GPBP1: variants seen among roughly 807,000 people sequenced by gnomAD.
The protein encoded by GPBP1 is GC-rich promoter binding protein 1.
A neutral mutation model predicts 56.5 loss-of-function variants in GPBP1; 13 were observed. The ratio of observed to expected loss-of-function variants is 0.23; its 90% CI spans 0.15 to 0.37. GPBP1 has a LOEUF of 0.37. Among genes scored for constraint, GPBP1 ranks in the 10% least tolerant of loss-of-function variants. The pLI is 1.00. For synonymous variants in GPBP1, 204 were observed against 188.9 expected (o/e 1.08, Z -0.66); for missense variants, 477 against 572.3 (o/e 0.83, Z 1.70).
intron 2 of GPBP1, among the ~76,000 whole-genome samples, chr5:57,198,867 T>C (rs886601017): frequency 6.6e-6 from 1 of 152,184 alleles, no homozygotes; most frequent in Non-Finnish European, 1.5e-5. Context: ...TGTCATTTGC[T>C]TCACATTTTG....
At position 57,201,793 on chromosome 5, in the gene GPBP1, G is replaced by C. The variant is rs1755034867; in HGVS notation, c.-57-12281G>C. ...ACTTTCTGAAAAATGTCTTTGGAGG[G>C]GTCAGGAGAATGGGTTTGTTAACAT... is the stretch of plus-strand genomic sequence containing the variant. On this transcript the variant is annotated intron_variant, in intron 2 of 11. Coordinates refer to ENST00000506184, the MANE Select transcript of GPBP1 (RefSeq NM_022913.4). 2.6e-5 allele frequency among the ~76,000 whole-genome samples: 4 copies of C among 152,084 alleles called. 1 individual carries two copies. The highest frequency in any genetic ancestry group is 9.7e-5 in the African/African-American group (4 of 41,404).
At chr5:57,219,850 C>A (rs1214602913) in intron 3 of GPBP1, among the ~76,000 whole-genome samples, 1 of 151,868 alleles carries the variant, frequency 6.6e-6, no homozygotes, top group Non-Finnish European at 1.5e-5. Context: ...GTTGGGAGTT[C>A]GAGACCAGCT....
chr5:57,187,264 T>G (rs371954148), intron 2 of GPBP1, among the ~76,000 whole-genome samples: 3 of 152,318 alleles, frequency 2.0e-5, no homozygotes, highest in East Asian at 3.9e-4. Context: ...TTAAGTGGCT[T>G]GAAATGTTAG....
At chr5:57,182,158 A>G (rs1208125469) in intron 2 of GPBP1, among the ~76,000 whole-genome samples, 2 of 152,024 alleles carry the variant, frequency 1.3e-5, no homozygotes, top group African/African-American at 4.8e-5. Flanking sequence ...ATCTTGGCTC[A>G]CTGCAACCTC....
At chr5:57,206,718 A>C (rs575064939) in intron 2 of GPBP1, among the ~76,000 whole-genome samples, 1 of 152,150 alleles carries the variant, frequency 6.6e-6, no homozygotes, top group Non-Finnish European at 1.5e-5. Flanking sequence ...TCCAATGGCT[A>C]TTTAGTTGTC....
At chr5:57,175,293 C>G (rs775752794) in intron 1 of GPBP1, among the ~76,000 whole-genome samples, 155 bp from the exon 2 acceptor site, 1 of 152,086 alleles carries the variant, frequency 6.6e-6, no homozygotes, top group Non-Finnish European at 1.5e-5. Flanking sequence ...AGACTTTTAT[C>G]GGGTGCTTGC....
At chr5:57,214,252 T>G in intron 3 of GPBP1, 59 bp downstream of exon 3, 11 of 1,335,300 alleles carry the variant, frequency 8.2e-6, no homozygotes, top group Non-Finnish European at 1.2e-5. Context: ...TTTACACAAA[T>G]GTAATTAAGT....
At chr5:57,242,222 G>A (rs932557369) in intron 6 of GPBP1, among the ~76,000 whole-genome samples, 3 of 152,084 alleles carry the variant, frequency 2.0e-5, no homozygotes, top group African/African-American at 7.2e-5. Flanking sequence ...TAAGCAACCT[G>A]AAATTCTTGC....
At chr5:57,210,880 G>A (rs1297955275) in intron 2 of GPBP1, among the ~76,000 whole-genome samples, 1 of 152,132 alleles carries the variant, frequency 6.6e-6, no homozygotes, top group Non-Finnish European at 1.5e-5. Flanking sequence ...ACAGTCTGAT[G>A]GGAATAGAAC....
chr5:57,244,859 G>A (rs368601857), intron 6 of GPBP1, among the ~76,000 whole-genome samples: 6 of 148,350 alleles, frequency 4.0e-5, no homozygotes, highest in Non-Finnish European at 8.9e-5. Context: ...TCAGCCTCCC[G>A]AGTAGCTGGG....
chr5:57,225,972 T>C (rs1580040922), intron 3 of GPBP1, among the ~76,000 whole-genome samples: 1 of 152,196 alleles, frequency 6.6e-6, no homozygotes, highest in Non-Finnish European at 1.5e-5. Flanking sequence ...GTTAACGACA[T>C]GTGTAGCAAC....
intron 2 of GPBP1, among the ~76,000 whole-genome samples, chr5:57,207,615 A>C (rs936605640): frequency 6.6e-6 from 1 of 152,220 alleles, no homozygotes; most frequent in African/African-American, 2.4e-5. Context: ...TCGCAAGGAC[A>C]GAGGGCTTTT....
chr5:57,239,343 T>C (rs1024962213), intron 6 of GPBP1, among the ~76,000 whole-genome samples: 20 of 152,342 alleles, frequency 1.3e-4, no homozygotes, highest in African/African-American at 4.3e-4. Flanking sequence ...GCATGTTCTT[T>C]ATATGAATAA....
chr5:57,176,842 C>G (rs1428414392), intron 2 of GPBP1, among the ~76,000 whole-genome samples: 1 of 152,100 alleles, frequency 6.6e-6, no homozygotes, highest in Non-Finnish European at 1.5e-5. Flanking sequence ...ATTCCAAATG[C>G]AGTTTAGTGT....
At chr5:57,246,568 G>A in intron 7 of GPBP1, 84 bp downstream of exon 7, 1 of 1,163,886 alleles carries the variant, frequency 8.6e-7, no homozygotes, top group South Asian at 1.5e-5. Context: ...AGAATTTAAA[G>A]TGTGTATGGA....
At chr5:57,240,137 G>C (rs1740754641) in intron 6 of GPBP1, among the ~76,000 whole-genome samples, 1 of 152,054 alleles carries the variant, frequency 6.6e-6, no homozygotes, top group African/African-American at 2.4e-5. Flanking sequence ...TGTAGTCTTA[G>C]CTACTTGCGA....
At chr5:57,197,809 T>TA (rs1561331574) in intron 2 of GPBP1, among the ~76,000 whole-genome samples, 1 of 152,136 alleles carries the variant, frequency 6.6e-6, no homozygotes. Context: ...TTTTTATTCA[T>TA]AGTTTTTTTT....
chr5:57,211,576 T>TTGTTGTTGTTGTTGTTGTTG, intron 2 of GPBP1, among the ~76,000 whole-genome samples: 1 of 151,034 alleles, frequency 6.6e-6, no homozygotes, highest in South Asian at 2.1e-4. Flanking sequence ...CTCCGGGGAT[T>TTGTTGTTGTTGTTGTTGTTG]TTGTTGTTGT....
intron 2 of GPBP1, among the ~76,000 whole-genome samples, chr5:57,205,466 G>A (rs531675178): frequency 1.3e-4 from 20 of 152,044 alleles, no homozygotes; most frequent in Admixed American, 1.2e-3. Flanking sequence ...TGGTAATTGC[G>A]TGTTTGACTT....
Sources: gnomAD v4.1 joint callset for allele counts (sites outside exome capture counted in the v4.1 genomes callset) on GRCh38, gnomAD v4.1.1 for gene constraint, MANE v1.5 for transcripts, NCBI Gene and HGNC (gene_info 2026-07-23, HGNC 2026-07-21) for gene names.